The following CDH13 variants were observed in gnomAD, a reference collection of about 807,000 sequenced individuals.
CDH13 encodes cadherin-13.
A neutral mutation model predicts 63.8 loss-of-function variants in CDH13; 24 were observed. That is an observed-to-expected ratio of 0.38 (90% confidence interval 0.27 to 0.53). The LOEUF (loss-of-function observed/expected upper bound fraction) is 0.53. Ranked by LOEUF, CDH13 falls within the 20% of genes least tolerant of loss-of-function variation. The probability of loss-of-function intolerance (pLI) is 0.85; values close to 1 mark genes in which losing one functional copy is unlikely to be tolerated. For missense variants in CDH13, 1,049 were observed against 903.1 expected, an observed-to-expected ratio of 1.16 and a Z score of -2.07; for synonymous variants, 503 against 355.3, an observed-to-expected ratio of 1.42 and a Z score of -4.67.
intron 1 of CDH13, among the ~76,000 whole-genome samples, chr16:82,717,408 C>A (rs1317494635): frequency 1.4e-5 from 2 of 146,856 alleles, no homozygotes; most frequent in African/African-American, 5.1e-5. Flanking sequence ...TGCACTCCAG[C>A]CTGGGCGACA....
At chr16:83,235,836 GAC>G (rs1362000743) in intron 5 of CDH13, among the ~76,000 whole-genome samples, 2 of 152,044 alleles carry the variant, frequency 1.3e-5, no homozygotes, top group African/African-American at 4.8e-5. Flanking sequence ...ATTTCTCAAA[GAC>G]ACTTTTTTCT....
chr16:83,144,929 G>C (rs2036683492), intron 4 of CDH13, among the ~76,000 whole-genome samples: 1 of 152,208 alleles, frequency 6.6e-6, no homozygotes, highest in Non-Finnish European at 1.5e-5. Context: ...AGACTGAGGA[G>C]CCCTCTGGAG....
intron 3 of CDH13, among the ~76,000 whole-genome samples, chr16:83,044,844 G>A (rs571439483): frequency 5.9e-5 from 9 of 152,092 alleles, no homozygotes; most frequent in Non-Finnish European, 8.8e-5. Context: ...GCAGCTGCTC[G>A]GGGCTTTCAC....
At chr16:83,633,143 T>G (rs1910930842) in intron 8 of CDH13, among the ~76,000 whole-genome samples, 1 of 152,132 alleles carries the variant, frequency 6.6e-6, no homozygotes, top group African/African-American at 2.4e-5. Context: ...CTTCCTGATC[T>G]AAATCTTGTG....
At chr16:83,505,268 G>T (rs533714927) in intron 7 of CDH13, among the ~76,000 whole-genome samples, 41 of 152,260 alleles carry the variant, frequency 2.7e-4, no homozygotes, top group African/African-American at 9.9e-4. Context: ...AATGCCTAGC[G>T]GGCGTTAGCC....
chr16:83,451,034 A>G (rs1000578880), intron 6 of CDH13, among the ~76,000 whole-genome samples: 3 of 152,154 alleles, frequency 2.0e-5, no homozygotes, highest in Non-Finnish European at 2.9e-5. Flanking sequence ...GAGAATCTGG[A>G]TTTTTAATAA....
chr16:83,050,398 T>A (rs1176468313), intron 3 of CDH13, among the ~76,000 whole-genome samples: 1 of 152,182 alleles, frequency 6.6e-6, no homozygotes, highest in Non-Finnish European at 1.5e-5. Flanking sequence ...TGAACCACTT[T>A]AATTCCCAGC....
At chr16:83,006,737 T>C (rs569324412) in intron 2 of CDH13, among the ~76,000 whole-genome samples, 3 of 152,280 alleles carry the variant, frequency 2.0e-5, no homozygotes, top group African/African-American at 7.2e-5. Flanking sequence ...CTTTTCAAAA[T>C]TGTGGCAACT....
chr16:83,084,491 A>T (rs746479150), intron 3 of CDH13, among the ~76,000 whole-genome samples: 1 of 152,186 alleles, frequency 6.6e-6, no homozygotes, highest in Non-Finnish European at 1.5e-5. Context: ...TTGTCCTTTG[A>T]ACTTTCAAGA....
intron 3 of CDH13, among the ~76,000 whole-genome samples, chr16:83,066,785 A>G (rs764423990): frequency 5.9e-5 from 9 of 152,274 alleles, no homozygotes; most frequent in Non-Finnish European, 1.2e-4. Flanking sequence ...CTCAAAGTCC[A>G]CATGGTCAGC....
At chr16:82,755,645 T>C (rs2034585272) in intron 1 of CDH13, among the ~76,000 whole-genome samples, 1 of 152,244 alleles carries the variant, frequency 6.6e-6, no homozygotes, top group African/African-American at 2.4e-5. Context: ...TTCATTCAAT[T>C]ATTCTTTCAA....
rs1917247001 is a variant in CDH13, at chr16:83,040,603, G to T, written c.366+8385G>T. The stretch of plus-strand genomic sequence containing the variant: ...CTGCTCTTTCCATGCCTGGTTTTAT[G>T]CTGGCAGCTGATTAGTTGATGCCCA... On this transcript the variant is annotated intron_variant, in intron 3 of 13. Transcript: ENST00000567109. Among the ~76,000 whole-genome samples, 5 of 152,184 alleles carry T rather than the reference G, an allele frequency of 3.3e-5. No homozygotes were observed. In the South Asian group the frequency reaches 1.0e-3, roughly 31 times the overall value.
chr16:83,288,021 C>G (rs1044802999), intron 5 of CDH13, among the ~76,000 whole-genome samples: 2 of 152,202 alleles, frequency 1.3e-5, no homozygotes, highest in Non-Finnish European at 2.9e-5. Flanking sequence ...TTGACTCAGG[C>G]TCCAGTACAG....
intron 2 of CDH13, among the ~76,000 whole-genome samples, chr16:82,903,001 A>G (rs532383128): frequency 6.6e-6 from 1 of 152,214 alleles, no homozygotes; most frequent in Non-Finnish European, 1.5e-5. Context: ...TCCTTTCTCT[A>G]GTTCAGGCAT....
At chr16:83,302,444 C>A (rs925382465) in intron 5 of CDH13, among the ~76,000 whole-genome samples, 4 of 152,184 alleles carry the variant, frequency 2.6e-5, no homozygotes, top group Admixed American at 6.5e-5. Context: ...CAGGACCCAA[C>A]ATTTATGTCA....
chr16:83,077,074 G>A (rs1419576931), intron 3 of CDH13, among the ~76,000 whole-genome samples: 1 of 149,654 alleles, frequency 6.7e-6, no homozygotes, highest in African/African-American at 2.5e-5. Context: ...AAGTTTCATT[G>A]GTTCTAGAAT....
chr16:83,079,899 C>A (rs767595051), intron 3 of CDH13, among the ~76,000 whole-genome samples: 1 of 152,152 alleles, frequency 6.6e-6, no homozygotes, highest in African/African-American at 2.4e-5. Context: ...AAGCTTATTT[C>A]TAATTTCAGC....
rs1555530561 is a variant in CDH13 at position 82,856,385 on chromosome 16, A to AAAAGAAAAG, written c.46-1974_46-1973insGAAAAGAAA. Among the ~76,000 whole-genome samples the AAAAGAAAAG allele has an allele frequency of 3.1e-5, 3 of 95,266 alleles. No individual in the cohort carries two copies. The Admixed American group carries it at 3.6e-4, about 11-fold the overall frequency. The allele number at this position is 95,266 out of a possible 152,430, so 62.5% of individuals were successfully genotyped here. ...GAGAGACTCCATCTCAAAAAAAAAA[A>AAAAGAAAAG]AAAAGAAAAGAAAAGAAAAGAAAAG... On this transcript the variant is annotated intron_variant, in intron 1 of 13. Transcript: ENST00000567109.
chr16:82,827,545 G>A (rs1258964634), intron 1 of CDH13, among the ~76,000 whole-genome samples: 2 of 152,110 alleles, frequency 1.3e-5, no homozygotes, highest in Non-Finnish European at 2.9e-5. Context: ...GCCCTTTTTA[G>A]GAGTATACTG....
Sources: gnomAD v4.1 joint callset for allele counts (sites outside exome capture counted in the v4.1 genomes callset) on GRCh38, gnomAD v4.1.1 for gene constraint, MANE v1.5 for transcripts, NCBI Gene and HGNC (gene_info 2026-07-23, HGNC 2026-07-21) for gene names.